Variants in THSD7B observed in about 807,000 individuals in gnomAD.
The protein encoded by THSD7B is thrombospondin type-1 domain-containing protein 7B.
A neutral mutation model predicts 213.6 loss-of-function variants in THSD7B; 138 were observed. That is an observed-to-expected ratio of 0.65 (90% CI 0.56 to 0.74). The LOEUF is 0.74. THSD7B is among the 30% of genes least tolerant of loss of function. THSD7B has a pLI of 0.00. For missense variants in THSD7B, 1,931 were observed against 1,991.5 expected (o/e 0.97, Z 0.58); for synonymous variants, 742 against 687.0 (o/e 1.08, Z -1.25).
At chr2:136,815,130 A>T (rs1340836640) in intron 1 of THSD7B, among the ~76,000 whole-genome samples, 2 of 152,248 alleles carry the variant, frequency 1.3e-5, no homozygotes, top group African/African-American at 4.8e-5. Flanking sequence ...GGCTGTTTAC[A>T]ATAAGTTTGC....
intron 12 of THSD7B, among the ~76,000 whole-genome samples, chr2:137,365,508 TA>T (rs1415172906): frequency 6.6e-6 from 1 of 152,192 alleles, no homozygotes; most frequent in African/African-American, 2.4e-5. Flanking sequence ...AAAGGGCTAA[TA>T]TCCAGAATCT....
At chr2:137,297,010 G>A (rs1683481850) in intron 12 of THSD7B, among the ~76,000 whole-genome samples, 1 of 151,162 alleles carries the variant, frequency 6.6e-6, no homozygotes, top group African/African-American at 2.4e-5. Context: ...TGTCTCCAGT[G>A]AACTGCTTTT....
At chr2:137,194,350 C>G (rs907794839) in intron 7 of THSD7B, among the ~76,000 whole-genome samples, 8 of 152,198 alleles carry the variant, frequency 5.3e-5, no homozygotes, top group African/African-American at 1.9e-4. Context: ...AAAGAGACTT[C>G]CCTGTGTATG....
chr2:137,387,902 A>T (rs996091847), intron 12 of THSD7B, among the ~76,000 whole-genome samples: 1 of 152,182 alleles, frequency 6.6e-6, no homozygotes. Context: ...TGCTACTGTT[A>T]TCTCTCTACC....
chr2:137,639,011 A>ATTTT (rs55903155), intron 20 of THSD7B, among the ~76,000 whole-genome samples: 9 of 147,720 alleles, frequency 6.1e-5, no homozygotes. Context: ...AGAAAAAGCC[A>ATTTT]TTTTTTTTTT....
At chr2:136,794,292 C>T (rs1403057653) in intron 1 of THSD7B, among the ~76,000 whole-genome samples, 1 of 151,526 alleles carries the variant, frequency 6.6e-6, no homozygotes, top group Non-Finnish European at 1.5e-5. Flanking sequence ...TAGGCAGAAG[C>T]TTAGATAATT....
intron 2 of THSD7B, among the ~76,000 whole-genome samples, chr2:137,022,347 A>G (rs1323666025): frequency 6.6e-6 from 1 of 152,172 alleles, no homozygotes; most frequent in Non-Finnish European, 1.5e-5. Flanking sequence ...ACAAGCATTT[A>G]GTGTTGTCAT....
chr2:137,568,852 G>A (rs762180591), intron 16 of THSD7B, among the ~76,000 whole-genome samples: 24 of 152,166 alleles, frequency 1.6e-4, no homozygotes, highest in Admixed American at 3.9e-4. Flanking sequence ...ATATCAGCCG[G>A]TATTCTGGAA....
At chr2:137,087,397 C>T (rs546014888) in intron 3 of THSD7B, among the ~76,000 whole-genome samples, 14 of 152,228 alleles carry the variant, frequency 9.2e-5, no homozygotes, top group East Asian at 1.9e-4. Flanking sequence ...ATGACATGAT[C>T]GTTTACCTAA....
intron 15 of THSD7B, among the ~76,000 whole-genome samples, chr2:137,451,501 T>A (rs928017796): frequency 8.5e-5 from 13 of 152,066 alleles, no homozygotes; most frequent in Admixed American, 5.2e-4. Flanking sequence ...TCATTCTCAA[T>A]CTTGCCAAAT....
intron 15 of THSD7B, among the ~76,000 whole-genome samples, chr2:137,489,900 T>C (rs1381532944): frequency 2.6e-5 from 4 of 152,180 alleles, no homozygotes. Context: ...GTGAAATCTG[T>C]GGAACAATGT....
intron 6 of THSD7B, among the ~76,000 whole-genome samples, chr2:137,164,222 G>A (rs1207897417): frequency 6.6e-6 from 1 of 152,118 alleles, no homozygotes; most frequent in Admixed American, 6.6e-5. Flanking sequence ...GAGGTGGGGA[G>A]TGTTTTGCCC....
chr2:137,481,085 C>G (rs1688296535), intron 15 of THSD7B, among the ~76,000 whole-genome samples: 1 of 152,212 alleles, frequency 6.6e-6, no homozygotes. Context: ...ATCTTGGAAG[C>G]AGAGAACGAC....
intron 7 of THSD7B, among the ~76,000 whole-genome samples, chr2:137,212,514 GCATGTAGAATAA>G (rs998348433): frequency 7.9e-5 from 12 of 151,994 alleles, no homozygotes; most frequent in Admixed American, 4.6e-4. Flanking sequence ...AAGAGAAATA[GCATGTAGAATAA>G]TTTTAAAGCA....
intron 12 of THSD7B, among the ~76,000 whole-genome samples, chr2:137,364,944 G>A (rs1177566552): frequency 1.3e-5 from 2 of 152,150 alleles, no homozygotes; most frequent in Non-Finnish European, 2.9e-5. Context: ...ACAATCCTAA[G>A]CCAAAAGAAT....
rs1322424673 is a variant in THSD7B, at chr2:137,230,942, A to T, written c.1724-102A>T. 2.6e-6 allele frequency: 3 copies of T among 1,147,470 alleles called. No individual in the cohort carries two copies. The Admixed American group carries it at 7.7e-5, about 30-fold the overall frequency. 71.1% of individuals were successfully genotyped at this position (1,147,470 alleles called of 1,614,324 possible). On this transcript the variant is annotated intron_variant, in intron 7 of 27. Coordinates refer to ENST00000409968, the MANE Select transcript of THSD7B (RefSeq NM_001316349.2). ...TGTAAATATTGTGAATGGCTGAAGA[A>T]ACTATCATTTTTGGGGGGGTACTTT...
At chr2:137,305,013 A>T (rs1558750162) in intron 12 of THSD7B, among the ~76,000 whole-genome samples, 1 of 152,032 alleles carries the variant, frequency 6.6e-6, no homozygotes, top group East Asian at 1.9e-4. Flanking sequence ...TAGGACCTGA[A>T]CTTAGATTTA....
intron 7 of THSD7B, among the ~76,000 whole-genome samples, chr2:137,202,788 T>G (rs1281779866): frequency 6.6e-6 from 1 of 152,150 alleles, no homozygotes; most frequent in African/African-American, 2.4e-5. Flanking sequence ...TCTCTCCAAT[T>G]ACATCTCTCT....
intron 12 of THSD7B, among the ~76,000 whole-genome samples, chr2:137,393,167 T>G (rs1686078393): frequency 6.6e-6 from 1 of 151,426 alleles, no homozygotes; most frequent in African/African-American, 2.4e-5. Context: ...TTAATTTTTT[T>G]TTTTTATTAT....
Sources: allele counts gnomAD v4.1 joint callset (sites outside exome capture counted in the v4.1 genomes callset), GRCh38; gene constraint gnomAD v4.1.1; transcripts MANE v1.5; gene names NCBI Gene and HGNC (gene_info 2026-07-23, HGNC 2026-07-21).